Variants in UTP20 observed in about 807,000 individuals in gnomAD.
UTP20 encodes small subunit processome component 20 homolog.
In UTP20, 164 loss-of-function variants were observed where a neutral mutation model predicts 329.5. That is an observed-to-expected ratio of 0.50 (90% CI 0.44 to 0.57). The LOEUF (loss-of-function observed/expected upper bound fraction) is 0.57, where lower values mean the gene tolerates loss of function less well. Among genes scored for constraint, UTP20 ranks in the 20% least tolerant of loss-of-function variants. The probability of loss-of-function intolerance (pLI) is 0.00; values close to 1 mark genes in which losing one functional copy is unlikely to be tolerated. For synonymous variants in UTP20, 1,151 were observed against 1,159.3 expected (o/e 0.99, Z 0.14); for missense variants, 3,055 against 3,284.2 (o/e 0.93, Z 1.71).
chr12:101,358,941 T>C lies in UTP20; in HGVS notation c.5691+1859T>C, dbSNP rs190792462. Among the ~76,000 whole-genome samples, 299 of 152,332 alleles carry C rather than the reference T, an allele frequency of 2.0e-3. 4 individuals are homozygous for C. The highest frequency in any genetic ancestry group is 4.7e-4 in the Non-Finnish European group (32 of 68,028). On this transcript the variant is annotated intron_variant, in intron 43 of 61. Coordinates refer to ENST00000261637, the MANE Select transcript of UTP20 (RefSeq NM_014503.3). ...CAGGCTGCTTTAAAGACTTTATCGT[T>C]ATTTTTCAGCAGTTTGATCATGATG...
At chr12:101,381,302 C>A (rs550747278) in intron 58 of UTP20, 91 bp downstream of exon 58, 1 of 1,108,874 alleles carries the variant, frequency 9.0e-7, no homozygotes, top group Non-Finnish European at 1.4e-6. Context: ...GAGGCCGAGG[C>A]GGCCAGATCA....
At position 101,340,599 on chromosome 12, in the gene UTP20, A is replaced by G. The variant is rs781764519; in HGVS notation, c.4090A>G (p.Asn1364Asp). The change falls in exon 32 of 62, where the codon AAT becomes GAT. Residue 1364 changes from asparagine (N) to aspartate (D), a missense_variant. Asn to Asp is a conservative substitution (Grantham distance 23). Coordinates refer to ENST00000261637, the MANE Select transcript of UTP20 (RefSeq NM_014503.3). ...TCTCCTTCCATTCCTCCACCGTGGCAATATTGCTGAGGTACAAACTCATAG... is the reference window on the plus strand; with the variant it reads ...TCTCCTTCCATTCCTCCACCGTGGCGATATTGCTGAGGTACAAACTCATAG... ...TLLLPFLHRG[N>D]IAEDTEVDIL... The G allele has an allele frequency of 6.2e-7, 1 of 1,609,880 alleles. No individual in the cohort carries two copies. Among genetic ancestry groups the G allele is most frequent in the Admixed American group, 1.7e-5 (1 of 59,770 alleles).
intron 45 of UTP20, 108 bp downstream of exon 45, chr12:101,363,851 T>C: frequency 5.4e-6 from 4 of 739,218 alleles, no homozygotes; most frequent in Non-Finnish European, 9.0e-6. Context: ...ACCCATGATT[T>C]CCTTTGGTGA....
chr12:101,341,297 G>A (rs529746915), intron 32 of UTP20, among the ~76,000 whole-genome samples: 12 of 142,188 alleles, frequency 8.4e-5, no homozygotes, highest in African/African-American at 3.0e-4. Context: ...AATCTTAATT[G>A]TAGATCACAG....
At chr12:101,285,538 A>G (rs757008977) in intron 2 of UTP20, 32 bp from the exon 3 acceptor site, 1 of 1,603,260 alleles carries the variant, frequency 6.2e-7, no homozygotes, top group South Asian at 1.1e-5. Context: ...TCTTAGAGTT[A>G]TTTGATTAAT....
In UTP20 at chr12:101,308,190, T is replaced by C. The variant is rs146076108; in HGVS notation, c.2001T>C (p.Asp667=). Residue 667 remains aspartate (D), a synonymous_variant, in exon 18 of 62, where the codon GAT becomes GAC. Coordinates refer to ENST00000261637, the MANE Select transcript of UTP20 (RefSeq NM_014503.3). ...GGTTTTCTCTGGTTATTCAGGATGA[T>C]GGGCTCTCAGAGCGGCAGTCTGTCT... ...DVQLPESMED[D]GLSERQSVFA... is the part of the protein sequence containing the mutation. 5 of 1,605,820 alleles carry C rather than the reference T, an allele frequency of 3.1e-6. No individual in the cohort carries two copies. Among genetic ancestry groups the C allele is most frequent in the Non-Finnish European group, 4.2e-6 (5 of 1,176,582 alleles).
At chr12:101,294,353 GGTTTGCTA>G (rs1872275696) in intron 11 of UTP20, among the ~76,000 whole-genome samples, 1 of 151,838 alleles carries the variant, frequency 6.6e-6, no homozygotes, top group Admixed American at 6.6e-5. Flanking sequence ...GCTTTACCTT[GGTTTGCTA>G]GTTTTGGTTC....
At chr12:101,327,562 A>G (rs1315034745) in intron 26 of UTP20, among the ~76,000 whole-genome samples, 1 of 152,226 alleles carries the variant, frequency 6.6e-6, no homozygotes, top group African/African-American at 2.4e-5. Flanking sequence ...GGTTTCTTCT[A>G]AGAAATTCAA....
chr12:101,314,110 T>C lies in UTP20; in HGVS notation c.2552+1834T>C, dbSNP rs1872884114. ...ACTTTCAGGGACTGATACCAATATT[T>C]AGAAGTTGGGAGATAAGGAACCAGC... On this transcript the variant is annotated intron_variant, in intron 21 of 61. Transcript: ENST00000261637. Among the ~76,000 whole-genome samples the C allele has an allele frequency of 4.6e-5, 7 of 152,064 alleles. No homozygotes were observed. In the South Asian group the frequency reaches 1.5e-3, roughly 32 times the overall value.
At chr12:101,385,425 G>A (rs905499594) in intron 60 of UTP20, among the ~76,000 whole-genome samples, 158 bp from the exon 61 acceptor site, 1 of 152,172 alleles carries the variant, frequency 6.6e-6, no homozygotes, top group African/African-American at 2.4e-5. Context: ...AAGTAACAGT[G>A]ATAATGCTGC....
At position 101,319,621 on chromosome 12, in the gene UTP20, G is replaced by A. The variant is rs778339439; in HGVS notation, c.2815G>A (p.Glu939Lys). 6 of 1,603,170 alleles carry A rather than the reference G, an allele frequency of 3.7e-6. No individual in the cohort carries two copies. Among genetic ancestry groups the A allele is most frequent in the Admixed American group, 1.8e-5 (1 of 57,050 alleles). Residue 939 changes from glutamate (E) to lysine (K), a missense_variant, in exon 23 of 62, where the codon GAG becomes AAG. Physicochemically the swap from Glu to Lys is moderately conservative, Grantham distance 56. Around this residue, in one of 3 missense-constraint regions of UTP20, gnomAD observed 2,445 missense variants for 2,575.5 expected, o/e 0.95. Transcript: ENST00000261637. ...RALYLESKLY[E>K]LYLQLLLHQD... is the part of the protein sequence containing the mutation. ...CTTATATCTGGAATCCAAACTATAT[G>A]AGTTATATCTTCAGGTCAGTAAAAT... is the stretch of plus-strand genomic sequence containing the variant.
In UTP20 at chr12:101,361,874, G is replaced by T. The variant is rs1382796153; in HGVS notation, c.5692-88G>T. 1.1e-5 allele frequency: 11 copies of T among 985,564 alleles called. No individual in the cohort carries two copies. The East Asian group carries it at 2.7e-4, about 24-fold the overall frequency. The allele number at this position is 985,564 out of a possible 1,614,324, so 61.1% of individuals were successfully genotyped here. A position where few individuals can be genotyped will look rare whatever the true frequency, so the allele number is the denominator to read the frequency against. ...GCAATAAAAGACATATAAACTCTGA[G>T]TGTTCTCTTTGCAGTGCTTCCTAGA... On this transcript the variant is annotated intron_variant, in intron 43 of 61. Coordinates refer to ENST00000261637, the MANE Select transcript of UTP20 (RefSeq NM_014503.3).
chr12:101,370,319 GC>G, intron 49 of UTP20, 112 bp from the exon 50 acceptor site: 2 of 1,299,598 alleles, frequency 1.5e-6, no homozygotes, highest in Non-Finnish European at 2.1e-6. Context: ...AGGCTAGAGG[GC>G]TGGCACCCTG....
In UTP20 at chr12:101,295,731, T is replaced by TA. The variant is rs879143699; in HGVS notation, c.1430+80dup. 5.6e-5 allele frequency: 79 copies of TA among 1,420,748 alleles called. No individual in the cohort carries two copies. In the Middle Eastern group the frequency reaches 1.3e-3, roughly 23 times the overall value. 88.0% of individuals were successfully genotyped at this position (1,420,748 alleles called of 1,614,324 possible). On this transcript the variant is annotated intron_variant, in intron 12 of 61. Transcript: ENST00000261637. Reference sequence around the variant, plus strand: ...TAAATGTAATGTATCAAGAATACTGTAAAAAAATGATCTATATGTAACAGG... The same window carrying TA: ...TAAATGTAATGTATCAAGAATACTGTAAAAAAAATGATCTATATGTAACAGG...
chr12:101,357,676 C>A (rs1869767565), intron 43 of UTP20, among the ~76,000 whole-genome samples: 1 of 152,142 alleles, frequency 6.6e-6, no homozygotes, highest in Admixed American at 6.6e-5. Flanking sequence ...ATTGCTTGAG[C>A]CTGGAAGGTC....
chr12:101,385,790 G>A (rs1870807274), intron 61 of UTP20, 62 bp downstream of exon 61: 1 of 1,560,118 alleles, frequency 6.4e-7, no homozygotes, highest in Non-Finnish European at 8.6e-7. Flanking sequence ...AAGTGTGCAT[G>A]TTTGTGTCAC....
Position 101,290,838 on chromosome 12 carries a change from G to T in UTP20, c.841G>T (p.Val281Leu), listed in dbSNP as rs1293777974. 1 of 1,613,906 alleles carries T rather than the reference G, an allele frequency of 6.2e-7. No homozygotes were observed. The highest frequency in any genetic ancestry group is 2.2e-5 in the East Asian group (1 of 44,854). The change falls in exon 8 of 62, where the codon GTA becomes TTA. Residue 281 changes from valine to leucine, a missense_variant. Transcript: ENST00000261637. ...ACTCAAAAACATGGTCAAATCCACT[G>T]TATCCTACATCTCCAAGGAACATTT... ...ETLKNMVKST[V>L]SYISKEHFGT...
intron 27 of UTP20, among the ~76,000 whole-genome samples, chr12:101,331,508 GATA>G (rs1040041493): frequency 6.6e-6 from 1 of 152,128 alleles, no homozygotes; most frequent in Non-Finnish European, 1.5e-5. Flanking sequence ...ACTTGTATAA[GATA>G]ATAAGCTGAA....
intron 25 of UTP20, 140 bp downstream of exon 25, chr12:101,321,769 G>C (rs1868378454): frequency 8.9e-7 from 1 of 1,121,968 alleles, no homozygotes; most frequent in Non-Finnish European, 1.2e-6. Flanking sequence ...TTTGGAGATG[G>C]GGTCTTGCTC....
Sources: allele counts gnomAD v4.1 joint callset (sites outside exome capture counted in the v4.1 genomes callset), GRCh38; gene constraint gnomAD v4.1.1; regional missense constraint gnomAD v4.1.1; transcripts MANE v1.5; gene names NCBI Gene and HGNC (gene_info 2026-07-23, HGNC 2026-07-21).